Variants in SYNPR observed in about 807,000 individuals in gnomAD.
SYNPR encodes the protein synaptoporin.
In SYNPR, 23 loss-of-function variants were observed where a neutral mutation model predicts 32.9. That is an observed-to-expected ratio of 0.70 (90% confidence interval 0.50 to 0.99). SYNPR has a LOEUF of 0.99. Ranked by LOEUF, SYNPR falls within the 50% of genes least tolerant of loss-of-function variation. The pLI, the probability that SYNPR is intolerant of heterozygous loss-of-function variation, is 0.00. For missense variants in SYNPR, 318 were observed against 349.3 expected, an observed-to-expected ratio of 0.91 and a Z score of 0.71; for synonymous variants, 146 against 135.9, an observed-to-expected ratio of 1.07 and a Z score of -0.52.
At chr3:63,517,820 C>T (rs556674190) in intron 3 of SYNPR, among the ~76,000 whole-genome samples, 1 of 152,250 alleles carries the variant, frequency 6.6e-6, no homozygotes, top group East Asian at 1.9e-4. Context: ...GTGTACCTGA[C>T]CCCAAAGCCA....
intron 2 of SYNPR, among the ~76,000 whole-genome samples, chr3:63,480,296 C>T (rs949609106): frequency 6.6e-6 from 1 of 152,194 alleles, no homozygotes; most frequent in Non-Finnish European, 1.5e-5. Flanking sequence ...AGATCTTGTG[C>T]TCTAAAATAG....
chr3:63,295,060 C>T (rs897891142), intron 2 of SYNPR, among the ~76,000 whole-genome samples: 7 of 152,166 alleles, frequency 4.6e-5, no homozygotes, highest in Middle Eastern at 3.4e-3. Flanking sequence ...TAAAATAAAT[C>T]CAGAAGCTGC....
chr3:63,394,093 CT>C (rs1210070691), intron 2 of SYNPR, among the ~76,000 whole-genome samples: 2 of 152,178 alleles, frequency 1.3e-5, no homozygotes, highest in African/African-American at 4.8e-5. Context: ...TACTTCCCCC[CT>C]ACCAGGTGGT....
intron 2 of SYNPR, among the ~76,000 whole-genome samples, chr3:63,464,071 T>G (rs1700636397): frequency 6.6e-6 from 1 of 152,118 alleles, no homozygotes; most frequent in Non-Finnish European, 1.5e-5. Flanking sequence ...CTGTTTAGAG[T>G]AAAGAAGGGA....
chr3:63,394,171 C>A (rs1177520297), intron 2 of SYNPR, among the ~76,000 whole-genome samples: 69 of 152,264 alleles, frequency 4.5e-4, no homozygotes, highest in Non-Finnish European at 2.4e-4. Context: ...TGGAATAGGA[C>A]AGACCTGAAT....
chr3:63,584,842 G>A (rs1209312203), intron 4 of SYNPR, among the ~76,000 whole-genome samples: 1 of 152,086 alleles, frequency 6.6e-6, no homozygotes, highest in African/African-American at 2.4e-5. Context: ...TATGGAGGAG[G>A]TTTCCTCATA....
intron 4 of SYNPR, among the ~76,000 whole-genome samples, chr3:63,563,527 C>T (rs1240366577): frequency 6.6e-6 from 1 of 152,110 alleles, no homozygotes; most frequent in Non-Finnish European, 1.5e-5. Context: ...TTCTCCCCTT[C>T]CCTCTCTCCC....
the SYNPR span, among the ~76,000 whole-genome samples, chr3:63,222,752 G>T: frequency 6.6e-6 from 1 of 152,254 alleles, no homozygotes; most frequent in Middle Eastern, 3.4e-3. Flanking sequence ...CCTGATCTCA[G>T]TTGATCCACC....
At chr3:63,530,216 T>C (rs1702086478) in intron 3 of SYNPR, among the ~76,000 whole-genome samples, 2 of 152,186 alleles carry the variant, frequency 1.3e-5, no homozygotes, top group African/African-American at 2.4e-5. Context: ...TCCCATATTG[T>C]TATTTTTCAC....
chr3:63,271,523 T>A (rs2086535454), intron 3 of SYNPR, among the ~76,000 whole-genome samples: 1 of 152,162 alleles, frequency 6.6e-6, no homozygotes, highest in African/African-American at 2.4e-5. Flanking sequence ...ATAAAGTGAA[T>A]GCATGCAGTA....
chr3:63,543,538 TG>T (rs1319461033), intron 3 of SYNPR, among the ~76,000 whole-genome samples: 1 of 152,128 alleles, frequency 6.6e-6, no homozygotes, highest in Non-Finnish European at 1.5e-5. Context: ...ATTTTGTTTT[TG>T]TTTTTGTTTT....
intron 1 of SYNPR, among the ~76,000 whole-genome samples, chr3:63,243,234 C>G (rs2086261498): frequency 6.6e-6 from 1 of 151,828 alleles, no homozygotes; most frequent in Non-Finnish European, 1.5e-5. Context: ...CTCTAAATAG[C>G]ACAAAGAAAA....
chr3:63,532,708 T>G (rs1295999153), intron 3 of SYNPR, among the ~76,000 whole-genome samples: 1 of 152,194 alleles, frequency 6.6e-6, no homozygotes, highest in African/African-American at 2.4e-5. Flanking sequence ...TGCTGCTAAA[T>G]CCCACTGACG....
intron 4 of SYNPR, among the ~76,000 whole-genome samples, chr3:63,591,623 G>T (rs1218352227): frequency 7.3e-6 from 1 of 137,890 alleles, no homozygotes; most frequent in Non-Finnish European, 1.5e-5. Flanking sequence ...ATACTATGCA[G>T]CCCTAAAAAA....
At chr3:63,201,242 G>A in the SYNPR span, among the ~76,000 whole-genome samples, 1 of 152,138 alleles carries the variant, frequency 6.6e-6, no homozygotes, top group Non-Finnish European at 1.5e-5. Flanking sequence ...CATGTTGCAT[G>A]AACATTACCT....
chr3:63,268,553 A>AAGG (rs1301625507), intron 3 of SYNPR, among the ~76,000 whole-genome samples: 3 of 152,246 alleles, frequency 2.0e-5, no homozygotes, highest in Non-Finnish European at 4.4e-5. Context: ...AAGCTAGAGA[A>AAGG]AGGAAAATAT....
In SYNPR at chr3:63,609,292, T is replaced by C; in HGVS notation, c.576T>C (p.Val192=). 6.3e-7 allele frequency: 1 copy of C among 1,592,068 alleles called. No homozygotes were observed. The highest frequency in any genetic ancestry group is 8.6e-7 in the Non-Finnish European group (1 of 1,168,404). Residue 192 remains valine, a synonymous_variant, in exon 5 of 6, where the codon GTT becomes GTC. Coordinates refer to ENST00000478300, the MANE Select transcript of SYNPR (RefSeq NM_001130003.2). The stretch of plus-strand genomic sequence containing the variant: ...AATGCATGGCTATCCACAGCCCTGT[T>C]ATGTCAAGCTTAAACACTTCTGTGG... ...SNKCMAIHSP[V]MSSLNTSVVF...
intron 3 of SYNPR, among the ~76,000 whole-genome samples, chr3:63,521,930 A>C (rs938134814): frequency 6.6e-6 from 1 of 152,198 alleles, no homozygotes; most frequent in Non-Finnish European, 1.5e-5. Context: ...GGCCAAAGGC[A>C]ACCAGAAACC....
intron 4 of SYNPR, among the ~76,000 whole-genome samples, chr3:63,569,876 TCTGTATGTGGCAAC>T (rs1177063210): frequency 6.6e-6 from 1 of 152,192 alleles, no homozygotes; most frequent in Non-Finnish European, 1.5e-5. Context: ...TGCCCGCAGT[TCTGTATGTGGCAAC>T]CCAGCAGATG....
Sources: allele counts gnomAD v4.1 joint callset (sites outside exome capture counted in the v4.1 genomes callset), GRCh38; gene constraint gnomAD v4.1.1; transcripts MANE v1.5; gene names NCBI Gene and HGNC (gene_info 2026-07-23, HGNC 2026-07-21).